The following SCAPER variants were observed in gnomAD, a reference collection of about 807,000 sequenced individuals.
The protein encoded by SCAPER is S-phase cyclin A associated protein in the ER.
A neutral mutation model predicts 182.2 loss-of-function variants in SCAPER; 98 were observed. The observed-to-expected ratio is 0.54, with a 90% CI of 0.46 to 0.64. The LOEUF is 0.64. SCAPER is among the 30% of genes least tolerant of loss of function. SCAPER has a pLI of 0.00. For missense variants in SCAPER, 1,432 were observed against 1,690.0 expected, an observed-to-expected ratio of 0.85 and a Z score of 2.68; for synonymous variants, 605 against 564.6, an observed-to-expected ratio of 1.07 and a Z score of -1.01.
Position 76,581,759 on chromosome 15 carries a change from G to A in SCAPER, c.2712-7475C>T, listed in dbSNP as rs1274773320. 4.0e-5 allele frequency among the ~76,000 whole-genome samples: 6 copies of A among 151,790 alleles called. No individual in the cohort carries two copies. In the East Asian group the frequency reaches 1.2e-3, roughly 29 times the overall value. On this transcript the variant is annotated intron_variant, in intron 22 of 31. Transcript: ENST00000563290. ...CACCACCATGCCTGGCTAATTTTTT[G>A]TATTTTAGTAGATAAGGGGTTTCAC... is the stretch of plus-strand genomic sequence containing the variant.
At chr15:76,434,656 T>C (rs141636795) in intron 25 of SCAPER, among the ~76,000 whole-genome samples, 2 of 152,300 alleles carry the variant, frequency 1.3e-5, no homozygotes, top group East Asian at 1.9e-4. Flanking sequence ...ATAAATTATA[T>C]TAAAAATTTA....
intron 23 of SCAPER, among the ~76,000 whole-genome samples, chr15:76,550,357 CT>C (rs987703013): frequency 2.0e-5 from 3 of 152,116 alleles, no homozygotes; most frequent in African/African-American, 7.2e-5. Flanking sequence ...TCCCCGACCC[CT>C]GACAGGCTCC....
chr15:76,457,208 G>T (rs1328972304), intron 25 of SCAPER, among the ~76,000 whole-genome samples: 1 of 151,898 alleles, frequency 6.6e-6, no homozygotes, highest in Non-Finnish European at 1.5e-5. Flanking sequence ...GACTACAGGT[G>T]CCTGCCACCA....
rs558238667 is a variant in SCAPER at position 76,712,556 on chromosome 15, C to T, written c.2166-6572G>A. On this transcript the variant is annotated intron_variant, in intron 17 of 31. Coordinates refer to ENST00000563290, the MANE Select transcript of SCAPER (RefSeq NM_020843.4). ...TATGGCCATTTTCACGATATTGATT[C>T]TTCCTACCCATGAGCATGGAATGTT... 4.6e-5 allele frequency among the ~76,000 whole-genome samples: 7 copies of T among 152,300 alleles called. No homozygotes were observed. The South Asian group carries it at 1.5e-3, about 32-fold the overall frequency.
chr15:76,896,763 AAAT>A (rs2074453213), intron 1 of SCAPER, among the ~76,000 whole-genome samples: 2 of 152,070 alleles, frequency 1.3e-5, no homozygotes, highest in East Asian at 1.9e-4. Flanking sequence ...CCAAAATACA[AAAT>A]AATACCAGCA....
At chr15:76,695,971 T>C (rs2058637780) in intron 20 of SCAPER, among the ~76,000 whole-genome samples, 1 of 152,200 alleles carries the variant, frequency 6.6e-6, no homozygotes, top group South Asian at 2.1e-4. Flanking sequence ...TACTGAGGTA[T>C]TAGATGGGAA....
intron 11 of SCAPER, 120 bp downstream of exon 11, chr15:76,766,798 A>T: frequency 1.3e-6 from 1 of 784,116 alleles, no homozygotes; most frequent in Non-Finnish European, 1.9e-6. Flanking sequence ...ATTACTGAAC[A>T]TGATTTTTAA....
Position 76,521,087 on chromosome 15 carries a change from T to C in SCAPER, c.2839-16113A>G, listed in dbSNP as rs144738530. 9.2e-5 allele frequency among the ~76,000 whole-genome samples: 14 copies of C among 152,252 alleles called. 1 individual carries two copies. The highest frequency in any genetic ancestry group is 2.4e-4 in the African/African-American group (10 of 41,554). ...TATTCAAGTAGCTAAGAATAAATGGTAAAAGACAGAAAATAAGTACAGAAT... is the reference window on the plus strand; with the variant it reads ...TATTCAAGTAGCTAAGAATAAATGGCAAAAGACAGAAAATAAGTACAGAAT... On this transcript the variant is annotated intron_variant, in intron 23 of 31. Coordinates refer to ENST00000563290, the MANE Select transcript of SCAPER (RefSeq NM_020843.4).
At chr15:76,536,271 C>T (rs1415317174) in intron 23 of SCAPER, among the ~76,000 whole-genome samples, 6 of 152,114 alleles carry the variant, frequency 3.9e-5, no homozygotes, top group Admixed American at 3.9e-4. Context: ...AGGCAGGAGG[C>T]TCACTTCAGC....
chr15:76,723,194 G>A (rs1451265297), intron 17 of SCAPER, among the ~76,000 whole-genome samples: 3 of 152,192 alleles, frequency 2.0e-5, no homozygotes, highest in Admixed American at 2.0e-4. Context: ...TTACCCAGTA[G>A]TCATTCAGGA....
At chr15:76,754,571 T>C (rs534010904) in intron 14 of SCAPER, among the ~76,000 whole-genome samples, 1 of 152,172 alleles carries the variant, frequency 6.6e-6, no homozygotes, top group Admixed American at 6.5e-5. Flanking sequence ...TTTAATTCCT[T>C]AAAACAATCT....
intron 22 of SCAPER, among the ~76,000 whole-genome samples, chr15:76,607,519 A>G (rs1210114238): frequency 6.6e-6 from 1 of 152,118 alleles, no homozygotes; most frequent in Non-Finnish European, 1.5e-5. Flanking sequence ...CTTGAGGATT[A>G]TCTTTGTGGC....
At chr15:76,849,685 A>G (rs898037309) in intron 4 of SCAPER, among the ~76,000 whole-genome samples, 6 of 152,234 alleles carry the variant, frequency 3.9e-5, no homozygotes, top group African/African-American at 1.4e-4. Context: ...CAACTGATCA[A>G]TACACTTAAG....
intron 18 of SCAPER, among the ~76,000 whole-genome samples, chr15:76,705,013 A>C (rs912435639): frequency 2.0e-5 from 3 of 152,154 alleles, no homozygotes; most frequent in African/African-American, 7.2e-5. Context: ...CTAGAACTAG[A>C]AATACCATTT....
intron 16 of SCAPER, among the ~76,000 whole-genome samples, chr15:76,730,731 T>C (rs1481867308): frequency 6.6e-6 from 1 of 152,164 alleles, no homozygotes; most frequent in Non-Finnish European, 1.5e-5. Context: ...CATATTTTAT[T>C]AATATAAGAC....
At chr15:76,441,867 G>C (rs1481679041) in intron 25 of SCAPER, among the ~76,000 whole-genome samples, 1 of 151,950 alleles carries the variant, frequency 6.6e-6, no homozygotes, top group Non-Finnish European at 1.5e-5. Flanking sequence ...ACTTTGTCTT[G>C]ATCACTGCTA....
At chr15:76,855,780 G>A in intron 4 of SCAPER, 1 of 333,606 alleles carries the variant, frequency 3.0e-6, no homozygotes, top group African/African-American at 2.1e-5. Flanking sequence ...ACAGATCTTG[G>A]CAAGGTTGTG....
At chr15:76,722,111 A>C (rs113765767) in intron 17 of SCAPER, among the ~76,000 whole-genome samples, 63 of 152,232 alleles carry the variant, frequency 4.1e-4, no homozygotes, top group African/African-American at 1.4e-3. Flanking sequence ...ATCAATACCT[A>C]ATTTATTGAG....
At chr15:76,839,564 A>G (rs1452759771) in intron 5 of SCAPER, among the ~76,000 whole-genome samples, 1 of 152,246 alleles carries the variant, frequency 6.6e-6, no homozygotes, top group Non-Finnish European at 1.5e-5. Flanking sequence ...GAATATAAAA[A>G]TACCTTTTAA....
Sources: allele counts gnomAD v4.1 joint callset (sites outside exome capture counted in the v4.1 genomes callset), GRCh38; gene constraint gnomAD v4.1.1; transcripts MANE v1.5; gene names NCBI Gene and HGNC (gene_info 2026-07-23, HGNC 2026-07-21).